The following DCAF8L2 variants were observed in gnomAD, a reference collection of about 807,000 sequenced individuals.
The protein encoded by DCAF8L2 is DDB1- and CUL4-associated factor 8-like protein 2.
For missense variants in DCAF8L2, 430 were observed against 490.7 expected (o/e 0.88, Z 1.17); for synonymous variants, 200 against 190.9 (o/e 1.05, Z -0.39).
At chrX:27,649,608 C>G (rs1929075219) in intron 2 of DCAF8L2, among the ~76,000 whole-genome samples, 1 of 111,497 alleles carries the variant, frequency 9.0e-6, no homozygotes, top group Non-Finnish European at 1.9e-5. Flanking sequence ...TGTATGTTTT[C>G]TTTTGAGAAG....
chrX:27,485,628 A>G, the DCAF8L2 span, among the ~76,000 whole-genome samples: 1 of 111,670 alleles, frequency 9.0e-6, no homozygotes, highest in Non-Finnish European at 1.9e-5. Flanking sequence ...CATTTTAAAG[A>G]TTAATCTTCT....
At chrX:27,646,752 A>T (rs1390566247) in intron 2 of DCAF8L2, among the ~76,000 whole-genome samples, 1 of 111,623 alleles carries the variant, frequency 9.0e-6, no homozygotes, top group Non-Finnish European at 1.9e-5. Context: ...GGAAAAGAAT[A>T]TGAACAGGCT....
intron 2 of DCAF8L2, among the ~76,000 whole-genome samples, chrX:27,659,040 A>G (rs1263245265): frequency 9.0e-6 from 1 of 111,168 alleles, no homozygotes; most frequent in Non-Finnish European, 1.9e-5. Context: ...ATGTTTGAAT[A>G]CCCCCAGTGG....
intron 1 of DCAF8L2, among the ~76,000 whole-genome samples, chrX:27,605,721 G>T (rs918574448): frequency 9.0e-6 from 1 of 111,619 alleles, no homozygotes; most frequent in African/African-American, 3.3e-5. Flanking sequence ...GAATAATCTT[G>T]TACTTCATTT....
At position 27,598,971 on chromosome X, in the gene DCAF8L2, A is replaced by AT. The variant is rs1333469211; in HGVS notation, c.-342+8531_-342+8532insT. Among the ~76,000 whole-genome samples the AT allele has an allele frequency of 5.9e-3, 476 of 81,229 alleles. 6 individuals are homozygous for AT. Among genetic ancestry groups the AT allele is most frequent in the African/African-American group, 0.02 (453 of 22,267 alleles). 70.5% of individuals were successfully genotyped at this position (81,229 alleles called of 115,157 possible). A position where few individuals can be genotyped will look rare whatever the true frequency, so the allele number is the denominator to read the frequency against. ...ATAGGAAAGTTTCTCAAAAAAAAAAAAAAATATATATATATATATATGATC... is the reference window on the plus strand; with the variant it reads ...ATAGGAAAGTTTCTCAAAAAAAAAAATAAAATATATATATATATATATGATC... On this transcript the variant is annotated intron_variant, in intron 1 of 4. Coordinates refer to ENST00000451261, the MANE Select transcript of DCAF8L2 (RefSeq NM_001353450.2).
At chrX:27,586,167 C>G (rs1925899205), upstream of DCAF8L2, among the ~76,000 whole-genome samples, 1 of 110,730 alleles carries the variant, frequency 9.0e-6, no homozygotes, top group Non-Finnish European at 1.9e-5. Flanking sequence ...TTATTTCACC[C>G]CCCACTCCAA....
chrX:27,605,932 A>G (rs190418103), intron 1 of DCAF8L2, among the ~76,000 whole-genome samples: 70 of 110,407 alleles, frequency 6.3e-4, no homozygotes, highest in African/African-American at 2.1e-3. Flanking sequence ...GCATTTTCCA[A>G]TCCTTTTCCT....
At chrX:27,592,417 G>GTTTTTGT (rs1926143487) in intron 1 of DCAF8L2, among the ~76,000 whole-genome samples, 1 of 83,954 alleles carries the variant, frequency 1.2e-5, no homozygotes, top group Admixed American at 1.3e-4. Flanking sequence ...GTTTGTTTTT[G>GTTTTTGT]TTTTTTTTTT....
chrX:27,736,315 T>A (rs1206493694), intron 4 of DCAF8L2, among the ~76,000 whole-genome samples: 2 of 111,836 alleles, frequency 1.8e-5, no homozygotes, highest in Non-Finnish European at 3.8e-5. Flanking sequence ...CCACTGCCCT[T>A]AAGGTCAGGA....
chrX:27,653,754 AC>A (rs1929241267), intron 2 of DCAF8L2, among the ~76,000 whole-genome samples: 1 of 107,650 alleles, frequency 9.3e-6, no homozygotes, highest in Admixed American at 1.0e-4. Context: ...ACACACACAC[AC>A]ACACACAACA....
chrX:27,645,457 A>G lies in DCAF8L2; in HGVS notation c.-220+13457A>G, dbSNP rs187995548. ...GCCATTTATAACAAACCCACAGCCA[A>G]TATACTGAATGGACAAAAGCTGGAA... is the stretch of plus-strand genomic sequence containing the variant. On this transcript the variant is annotated intron_variant, in intron 2 of 4. Coordinates refer to ENST00000451261, the MANE Select transcript of DCAF8L2 (RefSeq NM_001353450.2). 1.1e-4 allele frequency among the ~76,000 whole-genome samples: 12 copies of G among 111,690 alleles called. No individual in the cohort carries two copies. The East Asian group carries it at 3.1e-3, about 29-fold the overall frequency.
chrX:27,561,508 A>T, the DCAF8L2 span, among the ~76,000 whole-genome samples: 1 of 111,433 alleles, frequency 9.0e-6, no homozygotes, highest in African/African-American at 3.3e-5. Context: ...GTATATTCGC[A>T]GTGTTGCACT....
the DCAF8L2 span, among the ~76,000 whole-genome samples, chrX:27,569,617 T>C: frequency 8.9e-6 from 1 of 112,271 alleles, no homozygotes; most frequent in Non-Finnish European, 1.9e-5. Flanking sequence ...TACAGCTGTT[T>C]AACTCCAGTA....
At chrX:27,527,612 C>T in the DCAF8L2 span, among the ~76,000 whole-genome samples, 4 of 110,864 alleles carry the variant, frequency 3.6e-5, no homozygotes, top group Admixed American at 9.6e-5. Context: ...TCTTCTGTGT[C>T]GCTCACACTG....
chrX:27,640,089 C>CAA, intron 2 of DCAF8L2, among the ~76,000 whole-genome samples: 1 of 111,476 alleles, frequency 9.0e-6, no homozygotes, highest in Non-Finnish European at 1.9e-5. Context: ...CTCCCCCCTC[C>CAA]TCCCACCAAT....
chrX:27,514,255 A>G, the DCAF8L2 span, among the ~76,000 whole-genome samples: 541 of 106,700 alleles, frequency 5.1e-3, 6 homozygotes, highest in South Asian at 8.7e-3. Flanking sequence ...ATATGTACAT[A>G]TATGTGTGCA....
chrX:27,536,437 A>G, the DCAF8L2 span, among the ~76,000 whole-genome samples: 9 of 112,153 alleles, frequency 8.0e-5, no homozygotes, highest in African/African-American at 2.9e-4. Context: ...AAAATCCACC[A>G]CTTACAGAAT....
chrX:27,735,262 G>A (rs1921455713), intron 4 of DCAF8L2, among the ~76,000 whole-genome samples: 1 of 111,673 alleles, frequency 9.0e-6, no homozygotes, highest in Admixed American at 9.6e-5. Flanking sequence ...TATAAAGACA[G>A]GATGGTGCTA....
intron 1 of DCAF8L2, among the ~76,000 whole-genome samples, chrX:27,624,272 A>G (rs1927912696): frequency 9.0e-6 from 1 of 111,376 alleles, no homozygotes; most frequent in African/African-American, 3.3e-5. Context: ...AGGTAGTACC[A>G]AATTGTTAGA....
Sources: allele counts gnomAD v4.1 joint callset (sites outside exome capture counted in the v4.1 genomes callset), GRCh38; gene constraint gnomAD v4.1.1; transcripts MANE v1.5; gene names NCBI Gene and HGNC (gene_info 2026-07-23, HGNC 2026-07-21).